The following FRK variants were observed in gnomAD, a reference collection of about 807,000 sequenced individuals.
FRK encodes the protein fyn related Src family tyrosine kinase.
FRK carries 51 observed loss-of-function variants against 56.4 expected under a neutral mutation model. The ratio of observed to expected loss-of-function variants is 0.90; its 90% CI spans 0.72 to 1.14. The LOEUF is 1.14. Among genes scored for constraint, FRK ranks in the 50% most tolerant of loss-of-function variants. The pLI is 0.00. For missense variants in FRK, 570 were observed against 601.4 expected, an observed-to-expected ratio of 0.95 and a Z score of 0.55; for synonymous variants, 245 against 217.9, an observed-to-expected ratio of 1.12 and a Z score of -1.10.
rs116939359 is a variant in FRK at position 115,990,433 on chromosome 6, C to T, written c.466+13444G>A. On this transcript the variant is annotated intron_variant, in intron 2 of 7. Transcript: ENST00000606080. ...AAGCATCACATTTAAGTCTTTAATC[C>T]ATCTTGGGTTAATTTTTGTATTTAG... is the stretch of plus-strand genomic sequence containing the variant. 4.0e-5 allele frequency among the ~76,000 whole-genome samples: 6 copies of T among 151,818 alleles called. No individual in the cohort carries two copies. In the East Asian group the frequency reaches 7.7e-4, roughly 20 times the overall value.
At chr6:116,025,302 A>T (rs182604740) in intron 1 of FRK, among the ~76,000 whole-genome samples, 1 of 152,334 alleles carries the variant, frequency 6.6e-6, no homozygotes, top group Non-Finnish European at 1.5e-5. Flanking sequence ...CTAATTGGCA[A>T]TATTTGTTAT....
chr6:116,003,872 C>A lies in FRK; in HGVS notation c.466+5G>T. On this transcript the variant is annotated splice_donor_5th_base_variant and intron_variant, in intron 2 of 7. Transcript: ENST00000606080. ...ATATTGAATGACACAAAACAATACC[C>A]TTACCTGAAAGAGAGAATTCTCCTT... The A allele has an allele frequency of 6.2e-7, 1 of 1,613,350 alleles. No individual in the cohort carries two copies.
intron 1 of FRK, among the ~76,000 whole-genome samples, chr6:116,044,487 T>C (rs954830042): frequency 6.6e-6 from 1 of 152,216 alleles, no homozygotes; most frequent in Non-Finnish European, 1.5e-5. Flanking sequence ...AAAAACTACA[T>C]GATTATCTCA....
chr6:115,946,440 G>A (rs1772456623), intron 5 of FRK, among the ~76,000 whole-genome samples: 1 of 152,098 alleles, frequency 6.6e-6, no homozygotes, highest in Admixed American at 6.6e-5. Flanking sequence ...GCAGTGCCTG[G>A]CACCTAGAAA....
intron 7 of FRK, 39 bp from the exon 8 acceptor site, chr6:115,942,664 A>G (rs1237598644): frequency 2.6e-6 from 4 of 1,551,910 alleles, no homozygotes; most frequent in East Asian, 2.3e-5. Flanking sequence ...AACAAAAAAA[A>G]CAAGTTAAAG....
chr6:115,959,590 T>A (rs1773244861), intron 4 of FRK, among the ~76,000 whole-genome samples: 1 of 152,228 alleles, frequency 6.6e-6, no homozygotes, highest in African/African-American at 2.4e-5. Context: ...TCTTGCTTCA[T>A]CTGCCAGATG....
At chr6:116,078,463 C>T in the FRK span, among the ~76,000 whole-genome samples, 394 of 152,218 alleles carry the variant, frequency 2.6e-3, 12 homozygotes, top group South Asian at 0.044. Context: ...ACATAGACTC[C>T]TAATAGCTAA....
intron 3 of FRK, 96 bp downstream of exon 3, chr6:115,968,479 AT>A (rs1773672311): frequency 7.1e-7 from 1 of 1,417,786 alleles, no homozygotes; most frequent in Non-Finnish European, 9.6e-7. Context: ...TAAAATGACA[AT>A]TTTTTTCCTG....
chr6:115,951,177 TA>T (rs964194823), intron 5 of FRK, among the ~76,000 whole-genome samples: 1 of 151,644 alleles, frequency 6.6e-6, no homozygotes, highest in East Asian at 1.9e-4. Flanking sequence ...TCTTAAAAAA[TA>T]AAAAAAATTG....
In FRK at chr6:115,956,625, G is replaced by C. The variant is rs746230585; in HGVS notation, c.800-15C>G. On this transcript the variant is annotated splice_polypyrimidine_tract_variant and intron_variant, in intron 4 of 7. Transcript: ENST00000606080. ...ATCCATTGAACCTGAAACAAGAAGA[G>C]GGAGAAATCACTTTATGTTATTGAG... is the stretch of plus-strand genomic sequence containing the variant. 6.6e-7 allele frequency: 1 copy of C among 1,521,560 alleles called. No homozygotes were observed. Among genetic ancestry groups the C allele is most frequent in the Admixed American group, 2.1e-5 (1 of 48,162 alleles). The allele number at this position is 1,521,560 out of a possible 1,614,324, so 94.3% of individuals were successfully genotyped here.
chr6:116,023,761 A>G (rs1361002293), intron 1 of FRK, among the ~76,000 whole-genome samples: 1 of 151,892 alleles, frequency 6.6e-6, no homozygotes, highest in African/African-American at 2.4e-5. Context: ...CAACATACAA[A>G]CCTCTCATCT....
At position 115,938,277 on chromosome 6, in the gene FRK, T is replaced by G. The variant is rs1300489504; in HGVS notation, c.*4137A>C. 6.6e-6 allele frequency: 1 copy of G among 152,162 alleles called. No homozygotes were observed. The highest frequency in any genetic ancestry group is 1.5e-5 in the Non-Finnish European group (1 of 68,040). 9.4% of individuals were successfully genotyped at this position (152,162 alleles called of 1,614,324 possible). On this transcript the variant is annotated 3_prime_UTR_variant, in exon 8 of 8. Transcript: ENST00000606080. ...AAATAAAGTTGTTCATTGAAACCAA[T>G]GAGAACAAAAACACAACATACCAGA...
chr6:115,976,024 G>A (rs980559327), intron 2 of FRK, among the ~76,000 whole-genome samples: 2 of 152,018 alleles, frequency 1.3e-5, no homozygotes, highest in African/African-American at 4.8e-5. Flanking sequence ...AGAGTAACTG[G>A]TTCGGGAGAG....
chr6:116,075,327 A>G, the FRK span, among the ~76,000 whole-genome samples: 2 of 152,116 alleles, frequency 1.3e-5, no homozygotes, highest in African/African-American at 2.4e-5. Flanking sequence ...TCTACACCAT[A>G]TGGATCATTG....
the FRK span, among the ~76,000 whole-genome samples, chr6:116,075,111 CT>C: frequency 2.0e-5 from 3 of 152,244 alleles, no homozygotes; most frequent in South Asian, 4.1e-4. Context: ...GCTTGTTGAA[CT>C]CTTCTCTCCT....
upstream of FRK, among the ~76,000 whole-genome samples, chr6:116,065,407 C>A (rs572380566): frequency 9.8e-5 from 15 of 152,292 alleles, no homozygotes; most frequent in Non-Finnish European, 1.8e-4. Flanking sequence ...CTCTCCACCA[C>A]ATAGTCTTCC....
At chr6:116,032,923 A>T (rs996921523) in intron 1 of FRK, among the ~76,000 whole-genome samples, 2 of 152,116 alleles carry the variant, frequency 1.3e-5, no homozygotes, top group African/African-American at 4.8e-5. Flanking sequence ...AAAAATAAAA[A>T]TTTTTAAATT....
chr6:116,027,119 A>G (rs1473901501), intron 1 of FRK, among the ~76,000 whole-genome samples: 1 of 152,176 alleles, frequency 6.6e-6, no homozygotes, highest in African/African-American at 2.4e-5. Flanking sequence ...AGTAATTGTT[A>G]CTAATTACTT....
chr6:116,071,731 A>T, the FRK span, among the ~76,000 whole-genome samples: 4 of 152,190 alleles, frequency 2.6e-5, no homozygotes, highest in Admixed American at 2.0e-4. Context: ...TTCAACAAAT[A>T]TTTATTGAGC....
Sources: gnomAD v4.1 joint callset for allele counts (sites outside exome capture counted in the v4.1 genomes callset) on GRCh38, gnomAD v4.1.1 for gene constraint, MANE v1.5 for transcripts, NCBI Gene and HGNC (gene_info 2026-07-23, HGNC 2026-07-21) for gene names.